The following NCOR2 variants were observed in gnomAD, a reference collection of about 807,000 sequenced individuals.
The protein encoded by NCOR2 is nuclear receptor corepressor 2, also known as CTG repeat protein 26.
NCOR2 carries 81 observed loss-of-function variants against 262.9 expected under a neutral mutation model. The observed-to-expected ratio is 0.31, with a 90% CI of 0.26 to 0.37. NCOR2 has a LOEUF of 0.37. NCOR2 is among the 10% of genes least tolerant of loss of function. The pLI is 1.00. For missense variants in NCOR2, 3,385 were observed against 3,621.4 expected (o/e 0.93, Z 1.68); for synonymous variants, 1,659 against 1,559.3 (o/e 1.06, Z -1.51).
intron 16 of NCOR2, among the ~76,000 whole-genome samples, chr12:124,390,485 C>A (rs372858884): frequency 6.6e-6 from 1 of 151,862 alleles, no homozygotes; most frequent in Non-Finnish European, 1.5e-5. Context: ...GTGACCCCCC[C>A]CCGTCGCCCT....
At chr12:124,372,274 G>A (rs779914604) in exon 20 of NCOR2, 1 of 1,566,842 alleles carries the variant, frequency 6.4e-7, no homozygotes, top group South Asian at 1.2e-5. Context: ...TGTGTCCACT[G>A]CCAGCTCCTC....
rs564648998 is a variant in NCOR2, at chr12:124,369,482, C to G, written c.2807+2540G>C. On this transcript the variant is annotated intron_variant, in intron 20 of 46. Transcript: ENST00000405201. ...GGGGTCGCCTGGGGGGCCCGCCCGT[C>G]CCACCAGCCCTTCCCGGGAGGCCCT... Among the ~76,000 whole-genome samples the G allele has an allele frequency of 2.2e-3, 339 of 152,194 alleles. 1 individual carries two copies. Among genetic ancestry groups the G allele is most frequent in the Non-Finnish European group, 3.9e-3 (264 of 67,988 alleles).
chr12:124,380,159 C>T (rs1037428304), intron 17 of NCOR2, among the ~76,000 whole-genome samples: 13 of 152,348 alleles, frequency 8.5e-5, no homozygotes, highest in East Asian at 7.7e-4. Context: ...AGCCTGCTCT[C>T]GGGCAAATGC....
rs566141000 is a variant in NCOR2, at chr12:124,559,078, A to G, written c.-165+8230T>C. On this transcript the variant is annotated intron_variant, in intron 1 of 32. Transcript: ENST00000458234. ...CAGGAGCCACCCGGCCTGCAGGCAC[A>G]TACGCACAGACACATGCAGGCCAGT... 1.9e-4 allele frequency among the ~76,000 whole-genome samples: 29 copies of G among 152,316 alleles called. 1 individual carries two copies. The highest frequency in any genetic ancestry group is 3.5e-4 in the Non-Finnish European group (24 of 68,014).
chr12:124,330,741 C>T (rs2035113041), intron 44 of NCOR2, 104 bp downstream of exon 46: 10 of 1,298,772 alleles, frequency 7.7e-6, no homozygotes, highest in Non-Finnish European at 7.6e-6. Context: ...GGGGGTACAC[C>T]CAGACTAGCG....
In NCOR2 at chr12:124,371,191, G is replaced by A. The variant is rs1245753873; in HGVS notation, c.2807+831C>T. 6.0e-5 allele frequency among the ~76,000 whole-genome samples: 9 copies of A among 150,440 alleles called. No homozygotes were observed. The East Asian group carries it at 1.6e-3, about 26-fold the overall frequency. Reference sequence around the variant, plus strand: ...CCCACCTGCCAGGGCGTGACTCAGTGCCCCCACCCCCGTGAGAGCTGCCCC... The same window carrying A: ...CCCACCTGCCAGGGCGTGACTCAGTACCCCCACCCCCGTGAGAGCTGCCCC... On this transcript the variant is annotated intron_variant, in intron 20 of 46. Coordinates refer to ENST00000405201, the Ensembl canonical transcript of NCOR2.
At chr12:124,468,957 C>T (rs141940495) in intron 4 of NCOR2, among the ~76,000 whole-genome samples, 3 of 61,020 alleles carry the variant, frequency 4.9e-5, no homozygotes, top group Non-Finnish European at 6.8e-5. Flanking sequence ...ACCCCCATCA[C>T]CCTCATCCTC....
At chr12:124,350,914 G>A (rs1350563011) in intron 27 of NCOR2, among the ~76,000 whole-genome samples, 177 bp from the exon 30 acceptor site, 1 of 152,248 alleles carries the variant, frequency 6.6e-6, no homozygotes, top group East Asian at 1.9e-4. Context: ...TGAGGAACCT[G>A]AAGAATGAAG....
rs201254802 is a variant in NCOR2, at chr12:124,433,900, GCA to G, written c.883-3115_883-3114del. 4.4e-3 allele frequency among the ~76,000 whole-genome samples: 584 copies of G among 131,462 alleles called. 34 individuals are homozygous for G. Among genetic ancestry groups the G allele is most frequent in the African/African-American group, 0.016 (543 of 33,934 alleles). 86.2% of individuals were successfully genotyped at this position (131,462 alleles called of 152,430 possible). A position where few individuals can be genotyped will look rare whatever the true frequency, so the allele number is the denominator to read the frequency against. On this transcript the variant is annotated intron_variant, in intron 8 of 46. Transcript: ENST00000405201. ...CACACACACACACACACACACACAC[GCA>G]CACACACACACAGGGAAAGACTGGA...
chr12:124,383,706 T>C (rs946607531), intron 17 of NCOR2, among the ~76,000 whole-genome samples: 2 of 152,210 alleles, frequency 1.3e-5, no homozygotes, highest in African/African-American at 4.8e-5. Flanking sequence ...TCACTCCTCA[T>C]AGGACCTCTT....
chr12:124,406,879 T>C (rs1397891298), intron 13 of NCOR2, among the ~76,000 whole-genome samples: 6 of 152,206 alleles, frequency 3.9e-5, no homozygotes, highest in Non-Finnish European at 7.3e-5. Flanking sequence ...AAAAATATCT[T>C]AATTAAAAAC....
intron 13 of NCOR2, among the ~76,000 whole-genome samples, chr12:124,411,800 C>A (rs1243113787): frequency 2.0e-5 from 3 of 152,238 alleles, no homozygotes; most frequent in African/African-American, 7.2e-5. Context: ...AGAGGATGCT[C>A]GGGCCTCAAC....
intron 14 of NCOR2, among the ~76,000 whole-genome samples, chr12:124,401,771 C>G (rs1435449673): frequency 6.6e-6 from 1 of 152,212 alleles, no homozygotes; most frequent in Non-Finnish European, 1.5e-5. Flanking sequence ...TTGCTGGAAG[C>G]GTCTGGGAGA....
chr12:124,543,770 G>A (rs367839051), intron 1 of NCOR2, among the ~76,000 whole-genome samples: 3 of 152,196 alleles, frequency 2.0e-5, no homozygotes, highest in East Asian at 3.9e-4. Flanking sequence ...AGGGCAGGGA[G>A]CGCAGCCCAG....
rs576271142 is a variant in NCOR2 at position 124,486,320 on chromosome 12, G to A, written c.233+121C>T. 1.6e-3 allele frequency: 2,311 copies of A among 1,453,772 alleles called. 4 individuals carry two copies. The highest frequency in any genetic ancestry group is 2.1e-3 in the Admixed American group (88 of 41,264). 90.1% of individuals were successfully genotyped at this position (1,453,772 alleles called of 1,614,324 possible). On this transcript the variant is annotated intron_variant, in intron 2 of 46. Transcript: ENST00000405201. Reference sequence around the variant, plus strand: ...CACGCCAGGTCAAGGGTGAACACACGGCCCGACATCCCCTCATTTCACAGG... The same window carrying A: ...CACGCCAGGTCAAGGGTGAACACACAGCCCGACATCCCCTCATTTCACAGG...
Position 124,343,253 on chromosome 12 carries a change from G to C in NCOR2, c.4715-27C>G, listed in dbSNP as rs375831996. 2.5e-6 allele frequency: 4 copies of C among 1,588,958 alleles called. No homozygotes were observed. The African/African-American group carries it at 4.0e-5, about 16-fold the overall frequency. On this transcript the variant is annotated intron_variant, in intron 32 of 46. Transcript: ENST00000405201. ...TGTGGACGGGCAAGGTGGATGCATC[G>C]GGCCTCTGGGGCTGGCATTTACGGG... is the stretch of plus-strand genomic sequence containing the variant.
chr12:124,499,976 G>A (rs905155602), upstream of NCOR2, among the ~76,000 whole-genome samples: 5 of 152,190 alleles, frequency 3.3e-5, no homozygotes, highest in Non-Finnish European at 5.9e-5. Flanking sequence ...TCTGCAGGCC[G>A]AGGAAACAGC....
intron 24 of NCOR2, 136 bp from the exon 27 acceptor site, chr12:124,355,075 C>G: frequency 1.4e-6 from 1 of 720,824 alleles, no homozygotes; most frequent in Admixed American, 3.0e-5. Flanking sequence ...TGACGGCAGA[C>G]AAGTCACTGC....
exon 46 of NCOR2, chr12:124,326,257 C>G: frequency 6.4e-7 from 1 of 1,559,030 alleles, no homozygotes; most frequent in Non-Finnish European, 8.7e-7. Flanking sequence ...CAGTCTCCCT[C>G]CGAGTGCACT....
Sources: allele counts gnomAD v4.1 joint callset (sites outside exome capture counted in the v4.1 genomes callset), GRCh38; gene constraint gnomAD v4.1.1; transcripts MANE v1.5; gene names NCBI Gene and HGNC (gene_info 2026-07-23, HGNC 2026-07-21).